Variants in RGS6 observed in about 807,000 individuals in gnomAD.
RGS6 encodes the protein regulator of G protein signaling 6, also known as regulator of G-protein signaling 6.
Under a neutral mutation model 78.5 loss-of-function variants are expected in RGS6, and 30 were observed. That is an observed-to-expected ratio of 0.38 (90% CI 0.29 to 0.52). The LOEUF is 0.52. Among genes scored for constraint, RGS6 ranks in the 20% least tolerant of loss-of-function variants. The pLI, the probability that RGS6 is intolerant of heterozygous loss-of-function variation, is 0.85. For synonymous variants in RGS6, 206 were observed against 206.0 expected (o/e 1.00, Z 0.00); for missense variants, 495 against 609.7 (o/e 0.81, Z 1.98).
chr14:72,001,206 T>C (rs1198850959), intron 2 of RGS6, among the ~76,000 whole-genome samples: 1 of 152,002 alleles, frequency 6.6e-6, no homozygotes, highest in East Asian at 1.9e-4. Flanking sequence ...CATGTATTCG[T>C]CCCAGTCTGA....
intron 12 of RGS6, among the ~76,000 whole-genome samples, chr14:72,481,249 C>T (rs1318567829): frequency 6.6e-6 from 1 of 152,184 alleles, no homozygotes; most frequent in Admixed American, 6.5e-5. Flanking sequence ...AGTCTGCACA[C>T]TGGGAATGTG....
At chr14:72,373,691 T>C (rs1449157135) in intron 3 of RGS6, among the ~76,000 whole-genome samples, 1 of 152,198 alleles carries the variant, frequency 6.6e-6, no homozygotes, top group African/African-American at 2.4e-5. Context: ...TCTTTGGCTA[T>C]TAATAGGTGA....
At chr14:72,000,644 T>C (rs992580730) in intron 2 of RGS6, among the ~76,000 whole-genome samples, 1 of 151,950 alleles carries the variant, frequency 6.6e-6, no homozygotes, top group Non-Finnish European at 1.5e-5. Flanking sequence ...GAAAATGTAG[T>C]AGGCAGGGTA....
chr14:72,014,024 C>T (rs1476676144), intron 2 of RGS6, among the ~76,000 whole-genome samples: 1 of 152,198 alleles, frequency 6.6e-6, no homozygotes, highest in Non-Finnish European at 1.5e-5. Flanking sequence ...TAATAAGTTT[C>T]CCATTTTCTG....
At chr14:72,343,666 TAGGTG>T (rs1278262120) in intron 2 of RGS6, among the ~76,000 whole-genome samples, 1 of 152,176 alleles carries the variant, frequency 6.6e-6, no homozygotes, top group Admixed American at 6.5e-5. Context: ...GCTAAAGCCT[TAGGTG>T]AGCCCGGGCC....
At chr14:72,491,739 C>T (rs2096580689) in intron 12 of RGS6, among the ~76,000 whole-genome samples, 1 of 152,046 alleles carries the variant, frequency 6.6e-6, no homozygotes, top group African/African-American at 2.4e-5. Flanking sequence ...AACATTCTAA[C>T]CTACATGTTG....
At chr14:72,603,142 G>T in the RGS6 span, among the ~76,000 whole-genome samples, 1 of 152,096 alleles carries the variant, frequency 6.6e-6, no homozygotes, top group Admixed American at 6.6e-5. Flanking sequence ...TGGCCATTTT[G>T]CCCCAGAGAA....
At position 72,376,386 on chromosome 14, in the gene RGS6, A is replaced by T. The variant is rs2084725508; in HGVS notation, c.184+24192A>T. ...TATCATTAAGTGAACAAATATTTGC[A>T]TTGTGGACATTCTGGAAGAAGAGAA... On this transcript the variant is annotated intron_variant, in intron 3 of 17. Coordinates refer to ENST00000553525, the MANE Select transcript of RGS6 (RefSeq NM_001204424.2). Among the ~76,000 whole-genome samples the T allele has an allele frequency of 2.0e-5, 3 of 152,240 alleles. No individual in the cohort carries two copies. The South Asian group carries it at 6.2e-4, about 32-fold the overall frequency.
At chr14:72,448,503 G>A (rs914758027) in intron 3 of RGS6, among the ~76,000 whole-genome samples, 106 of 136,766 alleles carry the variant, frequency 7.8e-4, no homozygotes, top group Non-Finnish European at 1.5e-3. Context: ...TTCAATTAAG[G>A]CATAAAAGAA....
At chr14:72,027,976 A>G (rs1391687071) in intron 2 of RGS6, among the ~76,000 whole-genome samples, 2 of 152,280 alleles carry the variant, frequency 1.3e-5, no homozygotes, top group East Asian at 3.9e-4. Flanking sequence ...TATGAATGCC[A>G]TACACACTCA....
At chr14:72,362,507 C>G (rs980594542) in intron 3 of RGS6, among the ~76,000 whole-genome samples, 1 of 152,188 alleles carries the variant, frequency 6.6e-6, no homozygotes, top group Admixed American at 6.5e-5. Context: ...GCTGGAGGGT[C>G]TACAGTGGCC....
chr14:72,159,354 T>G (rs2096821162), intron 2 of RGS6, among the ~76,000 whole-genome samples: 1 of 151,594 alleles, frequency 6.6e-6, no homozygotes, highest in South Asian at 2.1e-4. Context: ...CCGGGCAGAG[T>G]GTGAGGGTAG....
At chr14:71,981,606 G>C (rs1182107354) in intron 2 of RGS6, among the ~76,000 whole-genome samples, 3 of 151,854 alleles carry the variant, frequency 2.0e-5, no homozygotes, top group South Asian at 4.2e-4. Context: ...TCGGGGGTCA[G>C]GGGTCAGGGA....
chr14:72,491,904 A>G (rs138000142), intron 12 of RGS6, among the ~76,000 whole-genome samples: 1 of 152,290 alleles, frequency 6.6e-6, no homozygotes, highest in East Asian at 1.9e-4. Flanking sequence ...GCACCCCTAG[A>G]TCTCCTGCCC....
chr14:72,041,093 T>C (rs891959371), intron 2 of RGS6, among the ~76,000 whole-genome samples: 1 of 152,166 alleles, frequency 6.6e-6, no homozygotes, highest in African/African-American at 2.4e-5. Flanking sequence ...GATCTGCTTT[T>C]GGAGATTTAT....
chr14:71,972,632 T>G (rs918124051), intron 2 of RGS6, among the ~76,000 whole-genome samples: 1 of 151,894 alleles, frequency 6.6e-6, no homozygotes, highest in African/African-American at 2.4e-5. Context: ...GGTCAATGGG[T>G]GATCGATGTG....
At chr14:72,535,866 G>A (rs926397613) in intron 15 of RGS6, among the ~76,000 whole-genome samples, 1 of 152,194 alleles carries the variant, frequency 6.6e-6, no homozygotes, top group African/African-American at 2.4e-5. Flanking sequence ...GTTGTTGGGT[G>A]TAAGAACAGT....
At chr14:72,441,906 C>A (rs1434250955) in intron 3 of RGS6, among the ~76,000 whole-genome samples, 1 of 152,162 alleles carries the variant, frequency 6.6e-6, no homozygotes, top group Non-Finnish European at 1.5e-5. Context: ...AGCTCCTGGT[C>A]ACATAGACTG....
intron 6 of RGS6, among the ~76,000 whole-genome samples, chr14:72,463,261 G>T (rs1007158523): frequency 1.3e-5 from 2 of 152,194 alleles, no homozygotes; most frequent in Non-Finnish European, 2.9e-5. Context: ...GCTTAAGACA[G>T]TTCTTCCAGA....
Sources: gnomAD v4.1 joint callset for allele counts (sites outside exome capture counted in the v4.1 genomes callset) on GRCh38, gnomAD v4.1.1 for gene constraint, MANE v1.5 for transcripts, NCBI Gene and HGNC (gene_info 2026-07-23, HGNC 2026-07-21) for gene names.